CENPP: variants seen among roughly 807,000 people sequenced by gnomAD.
The protein encoded by CENPP is centromere protein P.
CENPP carries 24 observed loss-of-function variants against 35.6 expected under a neutral mutation model. That is an observed-to-expected ratio of 0.67 (90% CI 0.49 to 0.95). The LOEUF (loss-of-function observed/expected upper bound fraction) is 0.95. Among genes scored for constraint, CENPP ranks in the 40% least tolerant of loss-of-function variants. The pLI is 0.00. For synonymous variants in CENPP, 120 were observed against 125.5 expected (o/e 0.96, Z 0.29); for missense variants, 332 against 345.3 (o/e 0.96, Z 0.31).
chr9:92,583,891 T>C (rs1850485739), intron 5 of CENPP, among the ~76,000 whole-genome samples: 1 of 152,246 alleles, frequency 6.6e-6, no homozygotes, highest in Non-Finnish European at 1.5e-5. Flanking sequence ...ATTACTTCTC[T>C]ATGTCTTTGG....
chr9:92,336,226 A>C (rs1002441546), intron 2 of CENPP, among the ~76,000 whole-genome samples: 2 of 152,206 alleles, frequency 1.3e-5, no homozygotes, highest in Non-Finnish European at 2.9e-5. Flanking sequence ...AAAACTATGA[A>C]AGTGATGTTT....
chr9:92,534,639 T>G (rs995849157), intron 5 of CENPP, among the ~76,000 whole-genome samples: 4 of 152,166 alleles, frequency 2.6e-5, no homozygotes, highest in African/African-American at 9.7e-5. Context: ...CCAAATCCAT[T>G]AGCTGATTGG....
At chr9:92,428,813 A>G (rs1214552770) in intron 5 of CENPP, among the ~76,000 whole-genome samples, 1 of 152,172 alleles carries the variant, frequency 6.6e-6, no homozygotes, top group East Asian at 1.9e-4. Flanking sequence ...TTGGCCTACT[A>G]CTTGCCCATT....
chr9:92,600,315 C>T, intron 5 of CENPP: 8 of 1,496,334 alleles, frequency 5.3e-6, no homozygotes, highest in Non-Finnish European at 7.1e-6. Context: ...TTCATGCTTG[C>T]ATTTGCTGTT....
chr9:92,488,999 T>C (rs1846121218), intron 5 of CENPP, among the ~76,000 whole-genome samples: 1 of 152,240 alleles, frequency 6.6e-6, no homozygotes, highest in African/African-American at 2.4e-5. Context: ...AAAGGGAACA[T>C]AACTTCACAG....
intron 5 of CENPP, among the ~76,000 whole-genome samples, chr9:92,427,373 G>A (rs980597119): frequency 5.9e-5 from 9 of 152,176 alleles, no homozygotes; most frequent in African/African-American, 1.9e-4. Flanking sequence ...ATGTTGGCCA[G>A]CCTGGTCTTG....
chr9:92,479,881 T>A (rs1588166871), intron 5 of CENPP, among the ~76,000 whole-genome samples: 1 of 152,170 alleles, frequency 6.6e-6, no homozygotes, highest in East Asian at 1.9e-4. Context: ...GTCCTAAACC[T>A]CCCCCAGTTC....
chr9:92,381,899 T>C (rs76602654), intron 5 of CENPP, among the ~76,000 whole-genome samples: 1 of 49,988 alleles, frequency 2.0e-5, no homozygotes, highest in South Asian at 4.3e-4. Context: ...ATTTTCTGCT[T>C]TTTTTTTTTT....
chr9:92,438,996 T>C (rs1367275068), intron 5 of CENPP, among the ~76,000 whole-genome samples: 7 of 152,240 alleles, frequency 4.6e-5, no homozygotes, highest in Non-Finnish European at 4.4e-5. Context: ...TTGTTATTGC[T>C]ACGTGGTATG....
At chr9:92,413,179 G>T (rs1245599580) in intron 5 of CENPP, among the ~76,000 whole-genome samples, 1 of 151,700 alleles carries the variant, frequency 6.6e-6, no homozygotes, top group Non-Finnish European at 1.5e-5. Context: ...TAGAGATGGG[G>T]TTTCTCCATG....
intron 5 of CENPP, among the ~76,000 whole-genome samples, chr9:92,407,115 C>T (rs117516582): frequency 0.039 from 5,884 of 152,238 alleles, 161 homozygotes; most frequent in Non-Finnish European, 0.06. Context: ...CATTGCCTTA[C>T]GTTGATATGT....
intron 5 of CENPP, among the ~76,000 whole-genome samples, chr9:92,579,396 T>A (rs1850363950): frequency 6.8e-6 from 1 of 147,920 alleles, no homozygotes; most frequent in Non-Finnish European, 1.5e-5. Flanking sequence ...TTGGGCAGTA[T>A]GGCCATTTTC....
chr9:92,510,474 T>G (rs1847269249), intron 5 of CENPP, among the ~76,000 whole-genome samples: 1 of 152,256 alleles, frequency 6.6e-6, no homozygotes, highest in South Asian at 2.1e-4. Flanking sequence ...CCTCAGTTTT[T>G]TATCTACTCC....
chr9:92,579,971 G>A (rs1363776149), intron 5 of CENPP, among the ~76,000 whole-genome samples: 9 of 148,152 alleles, frequency 6.1e-5, no homozygotes, highest in Non-Finnish European at 8.9e-5. Flanking sequence ...TTTGAGATAC[G>A]TCCCATCAAT....
At chr9:92,330,652 T>C (rs72750493) in intron 1 of CENPP, among the ~76,000 whole-genome samples, 4,590 of 151,692 alleles carry the variant, frequency 0.03, 106 homozygotes, top group South Asian at 0.079. Flanking sequence ...AAATTTCTTT[T>C]TTTAAAAAAG....
intron 5 of CENPP, among the ~76,000 whole-genome samples, chr9:92,463,480 A>T (rs916122753): frequency 6.6e-6 from 1 of 152,228 alleles, no homozygotes; most frequent in Admixed American, 6.5e-5. Context: ...CTTTTAAGAT[A>T]CACTTTGAAA....
chr9:92,600,746 T>C (rs1850892129), intron 5 of CENPP, among the ~76,000 whole-genome samples: 1 of 152,250 alleles, frequency 6.6e-6, no homozygotes, highest in South Asian at 2.1e-4. Context: ...AGAGAGGCTT[T>C]TCTGGTTGTT....
intron 5 of CENPP, among the ~76,000 whole-genome samples, chr9:92,527,035 G>T (rs2131264018): frequency 6.6e-6 from 1 of 152,176 alleles, no homozygotes; most frequent in East Asian, 1.9e-4. Flanking sequence ...TAGAGACAGG[G>T]TCTGGCTCTG....
chr9:92,526,819 G>A (rs1042698020), intron 5 of CENPP, among the ~76,000 whole-genome samples: 1 of 152,102 alleles, frequency 6.6e-6, no homozygotes, highest in African/African-American at 2.4e-5. Context: ...TTAGTGTACA[G>A]TGTTTATAAA....
Sources: allele counts gnomAD v4.1 joint callset (sites outside exome capture counted in the v4.1 genomes callset), GRCh38; gene constraint gnomAD v4.1.1; transcripts MANE v1.5; gene names NCBI Gene and HGNC (gene_info 2026-07-23, HGNC 2026-07-21).